Variants in ARL5C observed in about 807,000 individuals in gnomAD.
ARL5C encodes ARF like GTPase 5C, also known as putative ADP-ribosylation factor-like protein 5C.
Under a neutral mutation model 20.8 loss-of-function variants are expected in ARL5C, and 21 were observed. The ratio of observed to expected loss-of-function variants is 1.01; its 90% CI spans 0.72 to 1.46. The LOEUF (loss-of-function observed/expected upper bound fraction) is 1.46. Among genes scored for constraint, ARL5C ranks in the 40% most tolerant of loss-of-function variants. ARL5C has a pLI of 0.00. For synonymous variants in ARL5C, 71 were observed against 81.6 expected (o/e 0.87, Z 0.70); for missense variants, 199 against 225.1 (o/e 0.88, Z 0.74).
Position 39,161,167 on chromosome 17 carries a change from G to A in ARL5C, c.339+101C>T, listed in dbSNP as rs544142582. On this transcript the variant is annotated intron_variant, in intron 4 of 5. Transcript: ENST00000269586. ...CATGCTGCTGGTATAGAGGCTCTCA[G>A]AAACTGGGACAGCAGGAACGAATCT... is the stretch of plus-strand genomic sequence containing the variant. 4.3e-6 allele frequency: 5 copies of A among 1,173,954 alleles called. No homozygotes were observed. In the South Asian group the frequency reaches 6.6e-5, roughly 15 times the overall value. The allele number at this position is 1,173,954 out of a possible 1,614,324, so 72.7% of individuals were successfully genotyped here. A position where few individuals can be genotyped will look rare whatever the true frequency, so the allele number is the denominator to read the frequency against.
intron 2 of ARL5C, among the ~76,000 whole-genome samples, chr17:39,163,895 G>A (rs756231454): frequency 5.3e-5 from 8 of 151,730 alleles, no homozygotes; most frequent in Non-Finnish European, 7.4e-5. Context: ...CTCCAGAGTA[G>A]GTGGGATTAC....
chr17:39,159,320 G>A (rs1237683073), intron 5 of ARL5C, among the ~76,000 whole-genome samples: 1 of 142,184 alleles, frequency 7.0e-6, no homozygotes, highest in Non-Finnish European at 1.5e-5. Context: ...TTTTGAGATG[G>A]TGCTTCGCTC....
chr17:39,157,034 A>C, intron 5 of ARL5C, 92 bp from the exon 6 acceptor site: 1 of 1,364,710 alleles, frequency 7.3e-7, no homozygotes, highest in Non-Finnish European at 1.0e-6. Context: ...GACTGGGTGC[A>C]GGAACCAAAG....
At chr17:39,164,872 G>A in intron 2 of ARL5C, 1 of 495,018 alleles carries the variant, frequency 2.0e-6, no homozygotes, top group Non-Finnish European at 3.6e-6. Context: ...GAAAGCAGTG[G>A]GAGCTAGGGT....
intron 5 of ARL5C, among the ~76,000 whole-genome samples, chr17:39,158,337 G>A (rs1235882140): frequency 3.9e-5 from 6 of 152,278 alleles, no homozygotes; most frequent in African/African-American, 1.4e-4. Context: ...TCTGCGCCAG[G>A]CGTGGTAGCT....
intron 2 of ARL5C, among the ~76,000 whole-genome samples, chr17:39,163,563 T>C (rs1006039735): frequency 6.6e-6 from 1 of 151,638 alleles, no homozygotes; most frequent in Admixed American, 6.6e-5. Flanking sequence ...AGGCTTATTT[T>C]TGTATTTTTG....
intron 3 of ARL5C, 137 bp downstream of exon 3, chr17:39,162,574 T>C: frequency 8.8e-7 from 1 of 1,136,100 alleles, no homozygotes; most frequent in Non-Finnish European, 1.2e-6. Flanking sequence ...GTGCTGGGAT[T>C]ACAGGTGTGA....
chr17:39,156,998 C>T (rs2045408969), intron 5 of ARL5C, 56 bp from the exon 6 acceptor site: 1 of 1,544,060 alleles, frequency 6.5e-7, no homozygotes, highest in African/African-American at 1.4e-5. Context: ...TGATGGCCTT[C>T]AAGTCTCCAG....
At chr17:39,165,373 C>T (rs1431877358) in intron 1 of ARL5C, 1 of 591,458 alleles carries the variant, frequency 1.7e-6, no homozygotes, top group African/African-American at 1.9e-5. Context: ...CTGAAAGGCC[C>T]GGGGCGCTTC....
chr17:39,159,803 T>C (rs567072913), intron 5 of ARL5C, among the ~76,000 whole-genome samples: 2 of 152,320 alleles, frequency 1.3e-5, no homozygotes, highest in African/African-American at 4.8e-5. Flanking sequence ...CTAGGAGGTA[T>C]AATGATCCTC....
At position 39,162,852 on chromosome 17, in the gene ARL5C, G is replaced by A. The variant is rs536906969; in HGVS notation, c.114C>T (p.Thr38=). The A allele has an allele frequency of 2.3e-5, 35 of 1,550,138 alleles. No individual in the cohort carries two copies. Among genetic ancestry groups the A allele is most frequent in the Non-Finnish European group, 2.9e-5 (33 of 1,146,908 alleles). The change falls in exon 3 of 6, where the codon ACC becomes ACT. Residue 38 remains threonine (T), a synonymous_variant. Coordinates refer to ENST00000269586, the MANE Select transcript of ARL5C (RefSeq NM_001143968.1). Reference sequence around the variant, plus strand: ...TGGGACACATATGGACCACCTCATTGGTCAAGCTGGGGAGGTAGGAGTGGG... The same window carrying A: ...TGGGACACATATGGACCACCTCATTAGTCAAGCTGGGGAGGTAGGAGTGGG... ...GKTTILYRFL[T]NEVVHMCPTI... is the part of the protein sequence containing the mutation.
At chr17:39,162,953 T>C in intron 2 of ARL5C, 95 bp from the exon 3 acceptor site, 4 of 1,414,804 alleles carry the variant, frequency 2.8e-6, no homozygotes, top group Non-Finnish European at 3.8e-6. Context: ...TGAATCTAAC[T>C]CAGAACAAGT....
chr17:39,159,031 T>TTG (rs1555575771), intron 5 of ARL5C, among the ~76,000 whole-genome samples: 6 of 122,416 alleles, frequency 4.9e-5, no homozygotes. Context: ...TGTTTTTTTT[T>TTG]TTTTTTTTTT....
intron 5 of ARL5C, among the ~76,000 whole-genome samples, chr17:39,159,029 T>TTTG (rs1555575767): frequency 8.3e-6 from 1 of 120,148 alleles, no homozygotes; most frequent in Non-Finnish European, 1.8e-5. Flanking sequence ...CTTGTTTTTT[T>TTTG]TTTTTTTTTT....
chr17:39,160,886 C>A lies in ARL5C; in HGVS notation c.340-144G>T. ...GGATGGGGCAGAGATGGGGGCCCTG[C>A]CACAATGGTAGCAACCGTATCAAAT... On this transcript the variant is annotated intron_variant, in intron 4 of 5. Transcript: ENST00000269586. 3.2e-6 allele frequency: 3 copies of A among 932,458 alleles called. No homozygotes were observed. In the South Asian group the frequency reaches 5.2e-5, roughly 16 times the overall value. 57.8% of individuals were successfully genotyped at this position (932,458 alleles called of 1,614,324 possible). A position where few individuals can be genotyped will look rare whatever the true frequency, so the allele number is the denominator to read the frequency against.
chr17:39,159,019 C>CTT lies in ARL5C; in HGVS notation c.491+1570_491+1571dup, dbSNP rs1395516312. Among the ~76,000 whole-genome samples, 221 of 63,836 alleles carry CTT rather than the reference C, an allele frequency of 3.5e-3. 2 individuals carry two copies. Among genetic ancestry groups the CTT allele is most frequent in the Non-Finnish European group, 4.3e-3 (132 of 30,986 alleles). 41.9% of individuals were successfully genotyped at this position (63,836 alleles called of 152,430 possible). A position where few individuals can be genotyped will look rare whatever the true frequency, so the allele number is the denominator to read the frequency against. ...TCTTTATTCACCTTATCATTTATCA[C>CTT]TTGTTTTTTTTTTTTTTTTTTTTTT... On this transcript the variant is annotated intron_variant, in intron 5 of 5. Coordinates refer to ENST00000269586, the MANE Select transcript of ARL5C (RefSeq NM_001143968.1).
chr17:39,157,966 C>T (rs948225544), intron 5 of ARL5C, among the ~76,000 whole-genome samples: 6 of 151,834 alleles, frequency 4.0e-5, no homozygotes, highest in Admixed American at 1.3e-4. Context: ...GGCGTGGTGG[C>T]TCACGCCTGT....
intron 1 of ARL5C, 122 bp from the exon 2 acceptor site, chr17:39,165,261 C>T: frequency 2.1e-6 from 2 of 951,330 alleles, no homozygotes; most frequent in Middle Eastern, 2.4e-4. Flanking sequence ...CTCTGCCCAC[C>T]GTACCGCGTC....
intron 2 of ARL5C, among the ~76,000 whole-genome samples, chr17:39,163,075 A>G (rs775137329): frequency 2.1e-4 from 32 of 152,190 alleles, no homozygotes; most frequent in Non-Finnish European, 3.2e-4. Flanking sequence ...AGAGAAGGGA[A>G]ACATCTTAGA....
Sources: gnomAD v4.1 joint callset for allele counts (sites outside exome capture counted in the v4.1 genomes callset) on GRCh38, gnomAD v4.1.1 for gene constraint, MANE v1.5 for transcripts, NCBI Gene and HGNC (gene_info 2026-07-23, HGNC 2026-07-21) for gene names.